ACTR3C: variants seen among roughly 807,000 people sequenced by gnomAD.
ACTR3C encodes the protein actin related protein 3C.
In ACTR3C, 18 loss-of-function variants were observed where a neutral mutation model predicts 26.3. That is an observed-to-expected ratio of 0.68 (90% CI 0.47 to 1.01). The LOEUF is 1.01. Ranked by LOEUF, ACTR3C falls within the 50% of genes least tolerant of loss-of-function variation. ACTR3C has a pLI of 0.00. For missense variants in ACTR3C, 184 were observed against 250.7 expected, an observed-to-expected ratio of 0.73 and a Z score of 1.80; for synonymous variants, 55 against 94.5, an observed-to-expected ratio of 0.58 and a Z score of 2.42.
At chr7:150,116,301 G>A in the ACTR3C span, among the ~76,000 whole-genome samples, 2 of 152,142 alleles carry the variant, frequency 1.3e-5, no homozygotes, top group Non-Finnish European at 2.9e-5. Context: ...CTGCTCCAAG[G>A]CAGTTTCACG....
chr7:150,020,972 C>T, the ACTR3C span, among the ~76,000 whole-genome samples: 1 of 152,010 alleles, frequency 6.6e-6, no homozygotes, highest in East Asian at 1.9e-4. Flanking sequence ...AGGCACCCGC[C>T]ACCGTGCATG....
chr7:149,999,401 G>A, the ACTR3C span, among the ~76,000 whole-genome samples: 106 of 150,850 alleles, frequency 7.0e-4, 4 homozygotes, highest in Non-Finnish European at 9.7e-4. Flanking sequence ...CAAAGGGCTC[G>A]CAGCACGGCG....
At chr7:150,260,488 G>A (rs1195515226) in intron 6 of ACTR3C, among the ~76,000 whole-genome samples, 2 of 152,324 alleles carry the variant, frequency 1.3e-5, no homozygotes, top group African/African-American at 4.8e-5. Flanking sequence ...ATTAGTAAAA[G>A]GGAGGTTTCA....
chr7:149,950,685 CT>C, the ACTR3C span, among the ~76,000 whole-genome samples: 1 of 140,378 alleles, frequency 7.1e-6, no homozygotes, highest in Non-Finnish European at 1.5e-5. Context: ...TAGCAGAAGG[CT>C]GGGAGGAGGG....
chr7:150,245,993 C>T (rs1832444391), downstream of ACTR3C: 2 of 152,182 alleles, frequency 1.3e-5, no homozygotes, highest in South Asian at 4.1e-4. Context: ...AGTCTTACTC[C>T]TAGTAAAACA....
the ACTR3C span, among the ~76,000 whole-genome samples, chr7:150,055,189 T>A: frequency 2.0e-5 from 3 of 152,248 alleles, no homozygotes; most frequent in African/African-American, 7.2e-5. Context: ...TTGTTGGAAA[T>A]GCAGATTCGT....
Position 150,247,497 on chromosome 7 carries a change from G to A in ACTR3C, c.*111C>T, listed in dbSNP as rs1247243950. 7.1e-6 allele frequency: 1 copy of A among 141,422 alleles called. No individual in the cohort carries two copies. The highest frequency in any genetic ancestry group is 1.5e-5 in the Non-Finnish European group (1 of 65,822). 8.8% of individuals were successfully genotyped at this position (141,422 alleles called of 1,614,324 possible). Reference sequence around the variant, plus strand: ...ATAGTGACATGTAAACAATTGATATGAGAGTTTTTCTTGAGAATGAATTTT... The same window carrying A: ...ATAGTGACATGTAAACAATTGATATAAGAGTTTTTCTTGAGAATGAATTTT... On this transcript the variant is annotated 3_prime_UTR_variant, in exon 8 of 8. Coordinates refer to ENST00000683684, the MANE Select transcript of ACTR3C (RefSeq NM_001164458.2).
chr7:149,909,051 C>T, the ACTR3C span, among the ~76,000 whole-genome samples: 10 of 151,260 alleles, frequency 6.6e-5, no homozygotes, highest in African/African-American at 1.7e-4. Flanking sequence ...CAAAGTGCTG[C>T]GATTACATGC....
At chr7:150,156,204 T>C in the ACTR3C span, among the ~76,000 whole-genome samples, 1 of 152,174 alleles carries the variant, frequency 6.6e-6, no homozygotes, top group Admixed American at 6.5e-5. Context: ...CAGCAGGCGC[T>C]GAGCAACAGT....
the ACTR3C span, among the ~76,000 whole-genome samples, chr7:150,198,871 C>T: frequency 6.7e-6 from 1 of 148,842 alleles, no homozygotes; most frequent in African/African-American, 2.5e-5. Flanking sequence ...TGCCTGGCCG[C>T]CCCTGCTGGG....
At chr7:150,309,834 C>G (rs1321889479) in intron 1 of ACTR3C, among the ~76,000 whole-genome samples, 3 of 152,154 alleles carry the variant, frequency 2.0e-5, no homozygotes, top group African/African-American at 2.4e-5. Flanking sequence ...TGATGCTGCC[C>G]GATCACCTGG....
At chr7:149,980,056 C>G in the ACTR3C span, among the ~76,000 whole-genome samples, 1 of 152,072 alleles carries the variant, frequency 6.6e-6, no homozygotes, top group Non-Finnish European at 1.5e-5. Flanking sequence ...AATTCACTTT[C>G]TGATAAAAGA....
downstream of ACTR3C, among the ~76,000 whole-genome samples, chr7:150,241,934 G>A (rs1236771197): frequency 6.6e-6 from 1 of 152,026 alleles, no homozygotes; most frequent in African/African-American, 2.4e-5. Flanking sequence ...ATACCACTTT[G>A]TGGCCAGGCG....
At chr7:150,188,113 T>TAG in the ACTR3C span, among the ~76,000 whole-genome samples, 2 of 151,974 alleles carry the variant, frequency 1.3e-5, no homozygotes, top group Admixed American at 1.3e-4. Flanking sequence ...CAAGGTACCC[T>TAG]AGTTCCTTCT....
chr7:150,266,485 AC>A (rs1486017962), intron 6 of ACTR3C, among the ~76,000 whole-genome samples: 1 of 151,950 alleles, frequency 6.6e-6, no homozygotes, highest in Non-Finnish European at 1.5e-5. Flanking sequence ...TCTTTGAAAA[AC>A]CATTTTTTAA....
the ACTR3C span, among the ~76,000 whole-genome samples, chr7:150,094,734 C>T: frequency 6.6e-6 from 1 of 150,800 alleles, no homozygotes; most frequent in Admixed American, 6.6e-5. Flanking sequence ...AAAAGTCCCT[C>T]ACGGAGCTCA....
chr7:150,236,431 C>A, the ACTR3C span, among the ~76,000 whole-genome samples: 1 of 152,102 alleles, frequency 6.6e-6, no homozygotes. Context: ...TGCCCTGAAC[C>A]CAATAATATC....
the ACTR3C span, among the ~76,000 whole-genome samples, chr7:150,050,245 T>C: frequency 6.6e-6 from 1 of 152,214 alleles, no homozygotes; most frequent in Non-Finnish European, 1.5e-5. Context: ...GAAATATGCA[T>C]GCATATTTTT....
At chr7:149,907,478 T>TTCTCTTCTCTCCTCTCTC in the ACTR3C span, among the ~76,000 whole-genome samples, 1 of 97,606 alleles carries the variant, frequency 1.0e-5, no homozygotes, top group African/African-American at 3.6e-5. Context: ...CTCTCTTCTC[T>TTCTCTTCTCTCCTCTCTC]TCTCTCTCTC....
Sources: gnomAD v4.1 joint callset for allele counts (sites outside exome capture counted in the v4.1 genomes callset) on GRCh38, gnomAD v4.1.1 for gene constraint, MANE v1.5 for transcripts, NCBI Gene and HGNC (gene_info 2026-07-23, HGNC 2026-07-21) for gene names.